MACROD2: variants seen among roughly 807,000 people sequenced by gnomAD.
MACROD2 encodes the protein ADP-ribose glycohydrolase MACROD2.
MACROD2 carries 36 observed loss-of-function variants against 70.4 expected under a neutral mutation model. The observed-to-expected ratio is 0.51, with a 90% CI of 0.39 to 0.68. The LOEUF (loss-of-function observed/expected upper bound fraction) is 0.68. Ranked by LOEUF, MACROD2 falls within the 30% of genes least tolerant of loss-of-function variation. The pLI is 0.00. For missense variants in MACROD2, 496 were observed against 538.4 expected, an observed-to-expected ratio of 0.92 and a Z score of 0.78; for synonymous variants, 172 against 178.8, an observed-to-expected ratio of 0.96 and a Z score of 0.30.
intron 6 of MACROD2, among the ~76,000 whole-genome samples, chr20:15,313,083 T>A (rs1158780310): frequency 6.6e-6 from 1 of 152,206 alleles, no homozygotes; most frequent in Non-Finnish European, 1.5e-5. Flanking sequence ...TATTCTCAGT[T>A]AAGATCAGAA....
intron 7 of MACROD2, among the ~76,000 whole-genome samples, chr20:15,477,098 A>ATT (rs769382441): frequency 5.7e-5 from 4 of 69,756 alleles, no homozygotes; most frequent in African/African-American, 1.2e-4. Context: ...CTCTATTTTT[A>ATT]GTTTTTTTTT....
At chr20:15,031,918 C>T (rs1308046201) in intron 5 of MACROD2, among the ~76,000 whole-genome samples, 1 of 152,182 alleles carries the variant, frequency 6.6e-6, no homozygotes, top group Non-Finnish European at 1.5e-5. Context: ...CATCAGCATG[C>T]CATCCAGGGC....
At chr20:14,264,935 A>T (rs2082131719) in intron 3 of MACROD2, among the ~76,000 whole-genome samples, 1 of 152,232 alleles carries the variant, frequency 6.6e-6, no homozygotes, top group South Asian at 2.1e-4. Context: ...AATAACCAGA[A>T]TGCAAAAGAC....
intron 3 of MACROD2, among the ~76,000 whole-genome samples, chr20:14,345,965 G>A (rs1456149460): frequency 2.0e-5 from 3 of 151,504 alleles, no homozygotes; most frequent in South Asian, 2.1e-4. Context: ...GTGGTGGTGG[G>A]CACCTGTAGT....
intron 8 of MACROD2, among the ~76,000 whole-genome samples, chr20:15,823,217 A>G (rs1001281030): frequency 6.6e-6 from 1 of 152,040 alleles, no homozygotes; most frequent in Non-Finnish European, 1.5e-5. Context: ...GCACTTTTCA[A>G]ATCAAGCACT....
At chr20:14,926,734 T>C (rs1376571853) in intron 5 of MACROD2, among the ~76,000 whole-genome samples, 2 of 152,168 alleles carry the variant, frequency 1.3e-5, no homozygotes, top group Non-Finnish European at 2.9e-5. Context: ...CCAATTGACA[T>C]GATATTTTTT....
intron 6 of MACROD2, among the ~76,000 whole-genome samples, chr20:15,260,380 A>G (rs2077238565): frequency 6.6e-6 from 1 of 151,010 alleles, no homozygotes; most frequent in African/African-American, 2.4e-5. Context: ...AAGTGAGACC[A>G]TGCAATGTTT....
chr20:15,570,449 A>G (rs1256273858), intron 8 of MACROD2, among the ~76,000 whole-genome samples: 2 of 152,068 alleles, frequency 1.3e-5, no homozygotes, highest in Non-Finnish European at 1.5e-5. Context: ...AATGACTACA[A>G]CTCGTATGTA....
chr20:14,881,699 C>T (rs2073612789), intron 5 of MACROD2, among the ~76,000 whole-genome samples: 1 of 152,058 alleles, frequency 6.6e-6, no homozygotes, highest in Non-Finnish European at 1.5e-5. Flanking sequence ...AGAGTAGTGT[C>T]CTGCACTTGT....
intron 5 of MACROD2, among the ~76,000 whole-genome samples, chr20:14,943,947 G>A (rs1254557789): frequency 1.3e-5 from 2 of 152,020 alleles, no homozygotes; most frequent in Admixed American, 1.3e-4. Context: ...GTTGTCTTAA[G>A]GTTATCACCA....
chr20:14,896,462 G>C (rs1373217013), intron 5 of MACROD2, among the ~76,000 whole-genome samples: 12 of 152,068 alleles, frequency 7.9e-5, no homozygotes, highest in African/African-American at 2.7e-4. Flanking sequence ...GTGTTTAACA[G>C]CGTAGTTACA....
At chr20:15,068,433 C>T (rs1302619458) in intron 5 of MACROD2, among the ~76,000 whole-genome samples, 30 of 152,210 alleles carry the variant, frequency 2.0e-4, no homozygotes, top group Non-Finnish European at 1.5e-5. Flanking sequence ...ATATTTCTCC[C>T]CTCCAAGTCT....
intron 5 of MACROD2, among the ~76,000 whole-genome samples, chr20:15,222,173 A>C (rs1339502853): frequency 1.3e-5 from 2 of 152,236 alleles, no homozygotes; most frequent in African/African-American, 4.8e-5. Flanking sequence ...CATAGACAGA[A>C]ATCCTTCATA....
At chr20:15,130,453 A>G (rs2076096994) in intron 5 of MACROD2, among the ~76,000 whole-genome samples, 1 of 151,884 alleles carries the variant, frequency 6.6e-6, no homozygotes, top group Admixed American at 6.6e-5. Context: ...AAAATCCTGA[A>G]AACACCCTAC....
intron 5 of MACROD2, among the ~76,000 whole-genome samples, chr20:14,688,207 A>T (rs1208524200): frequency 1.3e-5 from 2 of 152,180 alleles, no homozygotes; most frequent in African/African-American, 2.4e-5. Context: ...GTTTATCATT[A>T]TAGGGGTACT....
Position 14,733,571 on chromosome 20 carries a change from A to G in MACROD2, c.418+48612A>G, listed in dbSNP as rs540944589. On this transcript the variant is annotated intron_variant, in intron 5 of 17. Transcript: ENST00000684519. ...ATGGAGAAGAATTACAGCATAGCAT[A>G]GAGTGTAGAAAAATGAATTCATAGA... Among the ~76,000 whole-genome samples, 7 of 152,318 alleles carry G rather than the reference A, an allele frequency of 4.6e-5. No homozygotes were observed. The South Asian group carries it at 1.5e-3, about 32-fold the overall frequency.
intron 12 of MACROD2, among the ~76,000 whole-genome samples, chr20:15,953,033 TA>T (rs1326964996): frequency 2.0e-5 from 3 of 151,956 alleles, no homozygotes; most frequent in South Asian, 2.1e-4. Context: ...TATTTAGCCA[TA>T]AAAAAAGAAA....
intron 8 of MACROD2, among the ~76,000 whole-genome samples, chr20:15,705,537 G>A (rs1463119450): frequency 2.6e-5 from 4 of 151,764 alleles, no homozygotes; most frequent in African/African-American, 4.8e-5. Context: ...CTCCTGCCTC[G>A]GCCTCCCCAG....
intron 5 of MACROD2, among the ~76,000 whole-genome samples, chr20:15,157,279 C>T (rs1272818728): frequency 6.6e-6 from 1 of 151,704 alleles, no homozygotes; most frequent in Non-Finnish European, 1.5e-5. Flanking sequence ...GATGCATGCT[C>T]TCAGAGAGAA....
Sources: allele counts gnomAD v4.1 joint callset (sites outside exome capture counted in the v4.1 genomes callset), GRCh38; gene constraint gnomAD v4.1.1; transcripts MANE v1.5; gene names NCBI Gene and HGNC (gene_info 2026-07-23, HGNC 2026-07-21).